The following STOX2 variants were observed in gnomAD, a reference collection of about 807,000 sequenced individuals.
STOX2 encodes the protein storkhead box 2, also known as storkhead-box protein 2.
STOX2 carries 28 observed loss-of-function variants against 60.9 expected under a neutral mutation model. That is an observed-to-expected ratio of 0.46 (90% confidence interval 0.34 to 0.63). The LOEUF is 0.63. Among genes scored for constraint, STOX2 ranks in the 30% least tolerant of loss-of-function variants. The pLI is 0.01. For missense variants in STOX2, 1,024 were observed against 1,187.7 expected, an observed-to-expected ratio of 0.86 and a Z score of 2.03; for synonymous variants, 472 against 463.9, an observed-to-expected ratio of 1.02 and a Z score of -0.22.
chr4:183,943,854 A>G (rs1447834695), intron 1 of STOX2, among the ~76,000 whole-genome samples: 5 of 152,276 alleles, frequency 3.3e-5, no homozygotes, highest in East Asian at 1.9e-4. Context: ...TCCAGCCTGG[A>G]CGACAGAGCA....
chr4:183,851,936 G>A (rs1435947946), intron 1 of STOX2, among the ~76,000 whole-genome samples: 28 of 55,666 alleles, frequency 5.0e-4, no homozygotes, highest in South Asian at 1.1e-3. Context: ...AAAGGATGAG[G>A]GAAAGGATGA....
At chr4:183,945,955 G>A (rs1041059903) in intron 1 of STOX2, among the ~76,000 whole-genome samples, 2 of 152,156 alleles carry the variant, frequency 1.3e-5, no homozygotes, top group East Asian at 1.9e-4. Flanking sequence ...TAAAACCATT[G>A]TGAATGTAGT....
chr4:183,823,560 G>A (rs950168765), intron 1 of STOX2, among the ~76,000 whole-genome samples: 1 of 152,212 alleles, frequency 6.6e-6, no homozygotes, highest in Non-Finnish European at 1.5e-5. Flanking sequence ...CCTGGAAGAT[G>A]AGGGAATGTG....
intron 1 of STOX2, among the ~76,000 whole-genome samples, chr4:183,859,193 G>A (rs573549509): frequency 6.6e-6 from 1 of 152,170 alleles, no homozygotes; most frequent in South Asian, 2.1e-4. Flanking sequence ...CTGTGCCCCT[G>A]CTCTGGCCCA....
At chr4:183,850,469 CTGT>C (rs1740091515) in intron 1 of STOX2, among the ~76,000 whole-genome samples, 3 of 152,010 alleles carry the variant, frequency 2.0e-5, no homozygotes, top group Admixed American at 1.3e-4. Flanking sequence ...TGGCTCACAC[CTGT>C]AATCCCAGCA....
intron 1 of STOX2, among the ~76,000 whole-genome samples, chr4:183,847,405 A>G (rs750143820): frequency 5.3e-5 from 8 of 152,142 alleles, no homozygotes; most frequent in Non-Finnish European, 1.0e-4. Flanking sequence ...GTCAGCAACT[A>G]AGTCATGTGT....
At chr4:184,005,018 C>T (rs1295361880) in intron 2 of STOX2, among the ~76,000 whole-genome samples, 5 of 152,338 alleles carry the variant, frequency 3.3e-5, no homozygotes, top group Middle Eastern at 3.4e-3. Context: ...TATGTTGGCT[C>T]TTACTGAATT....
At chr4:183,805,364 A>C (rs754268268) in intron 1 of STOX2, among the ~76,000 whole-genome samples, 4 of 152,156 alleles carry the variant, frequency 2.6e-5, no homozygotes, top group Non-Finnish European at 5.9e-5. Context: ...GAAACTAACG[A>C]TATGGTCTAT....
intron 1 of STOX2, among the ~76,000 whole-genome samples, chr4:183,829,427 A>G (rs1739515299): frequency 6.6e-6 from 1 of 152,122 alleles, no homozygotes; most frequent in African/African-American, 2.4e-5. Context: ...TGTCTTTGTC[A>G]CACTTGCAGG....
chr4:183,906,836 T>C lies in STOX2; in HGVS notation c.46T>C (p.Ser16Pro). 1 of 1,555,480 alleles carries C rather than the reference T, an allele frequency of 6.4e-7. No homozygotes were observed. The highest frequency in any genetic ancestry group is 8.7e-7 in the Non-Finnish European group (1 of 1,149,514). Residue 16 changes from serine (S) to proline (P), a missense_variant, in exon 1 of 4, where the codon TCG becomes CCG. Physicochemically the swap from Ser to Pro is moderately conservative, Grantham distance 74. Transcript: ENST00000308497. ...STTLRRAWPSSDFSDRASDRM... is the reference protein window; with the variant it reads ...STTLRRAWPSPDFSDRASDRM... Reference sequence around the variant, plus strand: ...AACCTTGCGGCGAGCCTGGCCTAGCTCGGATTTCTCGGACCGGGCCTCGGA... The same window carrying C: ...AACCTTGCGGCGAGCCTGGCCTAGCCCGGATTTCTCGGACCGGGCCTCGGA...
At chr4:183,805,899 C>G (rs1367691274) in intron 1 of STOX2, among the ~76,000 whole-genome samples, 1 of 152,242 alleles carries the variant, frequency 6.6e-6, no homozygotes, top group Admixed American at 6.5e-5. Flanking sequence ...ATCAGTCTCT[C>G]TTGATGCGGA....
chr4:183,858,095 C>T (rs541154194), intron 1 of STOX2, among the ~76,000 whole-genome samples: 1 of 152,266 alleles, frequency 6.6e-6, no homozygotes, highest in South Asian at 2.1e-4. Flanking sequence ...AGGGCAACCC[C>T]TGGGGAAGTG....
chr4:183,813,146 A>G (rs375696606), intron 1 of STOX2, among the ~76,000 whole-genome samples: 2 of 152,232 alleles, frequency 1.3e-5, no homozygotes, highest in Non-Finnish European at 2.9e-5. Context: ...CACTTTGGGA[A>G]GCCGAGGGGG....
intron 1 of STOX2, among the ~76,000 whole-genome samples, chr4:183,803,010 T>G (rs187526906): frequency 6.6e-6 from 1 of 152,268 alleles, no homozygotes; most frequent in African/African-American, 2.4e-5. Context: ...AACTCACAGT[T>G]TCACATGGCT....
chr4:183,920,184 C>T (rs1041735095), intron 1 of STOX2, among the ~76,000 whole-genome samples: 1 of 151,956 alleles, frequency 6.6e-6, no homozygotes, highest in Non-Finnish European at 1.5e-5. Context: ...GGCACCATCT[C>T]GGCTCACTGC....
At chr4:184,016,575 G>A (rs1381559557) in intron 3 of STOX2, among the ~76,000 whole-genome samples, 5 of 152,008 alleles carry the variant, frequency 3.3e-5, no homozygotes, top group East Asian at 1.9e-4. Flanking sequence ...CCATCTTTGC[G>A]GCAAATGCCC....
intron 1 of STOX2, among the ~76,000 whole-genome samples, chr4:183,872,780 CTTA>C (rs1740724878): frequency 6.6e-6 from 1 of 151,994 alleles, no homozygotes; most frequent in Admixed American, 6.5e-5. Context: ...TGGCCATCTG[CTTA>C]TTATTTTTTT....
intron 1 of STOX2, among the ~76,000 whole-genome samples, chr4:183,891,259 G>C (rs1292796503): frequency 6.7e-6 from 1 of 150,238 alleles, no homozygotes; most frequent in Non-Finnish European, 1.5e-5. Flanking sequence ...AGTGGATAAA[G>C]AAACTGGTGT....
chr4:183,861,318 C>T (rs935175362), intron 1 of STOX2, among the ~76,000 whole-genome samples: 1 of 151,966 alleles, frequency 6.6e-6, no homozygotes, highest in Non-Finnish European at 1.5e-5. Flanking sequence ...TGGGGGGGTC[C>T]TCACCCTGCT....
Sources: gnomAD v4.1 joint callset for allele counts (sites outside exome capture counted in the v4.1 genomes callset) on GRCh38, gnomAD v4.1.1 for gene constraint, MANE v1.5 for transcripts, NCBI Gene and HGNC (gene_info 2026-07-23, HGNC 2026-07-21) for gene names.